CRACR2A: variants seen among roughly 807,000 people sequenced by gnomAD.
CRACR2A encodes EF-hand calcium-binding domain-containing protein 4B.
A neutral mutation model predicts 90.5 loss-of-function variants in CRACR2A; 79 were observed. That is an observed-to-expected ratio of 0.87 (90% CI 0.73 to 1.05). The LOEUF (loss-of-function observed/expected upper bound fraction) is 1.05. CRACR2A is among the 50% of genes least tolerant of loss of function. CRACR2A has a pLI of 0.00. For synonymous variants in CRACR2A, 338 were observed against 356.7 expected (o/e 0.95, Z 0.59); for missense variants, 823 against 897.2 (o/e 0.92, Z 1.06).
At chr12:3,685,383 G>C (rs1314650782) in intron 4 of CRACR2A, among the ~76,000 whole-genome samples, 3 of 152,114 alleles carry the variant, frequency 2.0e-5, no homozygotes, top group East Asian at 1.9e-4. Context: ...CCACTTCTGG[G>C]TATACACACC....
intron 2 of CRACR2A, among the ~76,000 whole-genome samples, chr12:3,715,265 T>G (rs530803663): frequency 8.5e-5 from 13 of 152,370 alleles, no homozygotes; most frequent in African/African-American, 1.7e-4. Context: ...AAGAGTATTC[T>G]GTGAGTGGCT....
chr12:3,728,929 G>A (rs926581855), intron 2 of CRACR2A: 2 of 152,126 alleles, frequency 1.3e-5, no homozygotes, highest in East Asian at 1.9e-4. Flanking sequence ...GTAAAATGAC[G>A]AGGACCCAAG....
chr12:3,745,388 C>T (rs891057312), intron 1 of CRACR2A, among the ~76,000 whole-genome samples: 1 of 150,858 alleles, frequency 6.6e-6, no homozygotes, highest in Non-Finnish European at 1.5e-5. Flanking sequence ...ACCGTGTCCT[C>T]CTCTGGGGAT....
chr12:3,651,389 A>T (rs2137443235), intron 10 of CRACR2A, among the ~76,000 whole-genome samples: 1 of 152,366 alleles, frequency 6.6e-6, no homozygotes, highest in South Asian at 2.1e-4. Flanking sequence ...ATGACTGCAG[A>T]TCGGGGCTAT....
At chr12:3,659,513 G>A in intron 8 of CRACR2A, 51 bp downstream of exon 8, 5 of 1,527,004 alleles carry the variant, frequency 3.3e-6, no homozygotes, top group Non-Finnish European at 3.6e-6. Flanking sequence ...GGGAGACAGA[G>A]CAGATATGTC....
Position 3,644,597 on chromosome 12 carries a change from G to A in CRACR2A, c.1162C>T (p.Gln388Ter), listed in dbSNP as rs552296874. 1 of 1,551,452 alleles carries A rather than the reference G, an allele frequency of 6.4e-7. No individual in the cohort carries two copies. The highest frequency in any genetic ancestry group is 1.2e-5 in the South Asian group (1 of 84,046). The change falls in exon 12 of 20, where the codon CAG becomes TAG. Residue 388 changes from glutamine (Q) to a stop codon, truncating the protein, a stop_gained and splice_region_variant. Coordinates refer to ENST00000440314, the MANE Select transcript of CRACR2A (RefSeq NM_001144958.2). LOFTEE classifies it high-confidence loss of function. ...HLRDERDICF[Q>*]KNKAAKANTA... is the part of the protein sequence containing the mutation. The stretch of plus-strand genomic sequence containing the variant: ...GTAAGGGAGAACTGGCCAATTACCT[G>A]AAAACATATGTCCCGTTCATCCCGA...
intron 2 of CRACR2A, chr12:3,725,765 A>G (rs989696754): frequency 3.9e-5 from 6 of 152,172 alleles, no homozygotes; most frequent in Admixed American, 3.3e-4. Context: ...TTAAATAAGT[A>G]TTTTCTTTTC....
chr12:3,644,282 T>C (rs1378295610), intron 12 of CRACR2A, among the ~76,000 whole-genome samples: 1 of 151,990 alleles, frequency 6.6e-6, no homozygotes, highest in Non-Finnish European at 1.5e-5. Context: ...GGTTTAGAAG[T>C]GATAATGACA....
chr12:3,741,788 T>C (rs1035909949), intron 1 of CRACR2A, among the ~76,000 whole-genome samples: 2 of 152,194 alleles, frequency 1.3e-5, no homozygotes, highest in African/African-American at 4.8e-5. Flanking sequence ...GCATTCAGAA[T>C]GGGACAGGGC....
intron 15 of CRACR2A, 119 bp from the exon 16 acceptor site, chr12:3,627,825 T>C (rs935801306): frequency 3.8e-4 from 402 of 1,057,200 alleles, no homozygotes; most frequent in Non-Finnish European, 5.1e-4. Context: ...CAACCCTCCA[T>C]GTGCAGCTCG....
intron 17 of CRACR2A, 67 bp from the exon 18 acceptor site, chr12:3,619,439 A>C: frequency 7.7e-7 from 1 of 1,303,282 alleles, no homozygotes; most frequent in Non-Finnish European, 1.1e-6. Context: ...CAGGCTAACA[A>C]TGCCGGCTGG....
At chr12:3,637,840 C>A (rs1437735802) in intron 14 of CRACR2A, among the ~76,000 whole-genome samples, 1 of 152,212 alleles carries the variant, frequency 6.6e-6, no homozygotes, top group Admixed American at 6.5e-5. Context: ...AGAAGTAGAA[C>A]TGCTTTGCTA....
chr12:3,681,482 G>A (rs1330077286), intron 4 of CRACR2A, among the ~76,000 whole-genome samples: 6 of 152,314 alleles, frequency 3.9e-5, no homozygotes, highest in Non-Finnish European at 5.9e-5. Flanking sequence ...CCTTCTGCCC[G>A]ATGTGCAATG....
chr12:3,648,734 G>T, intron 10 of CRACR2A, 121 bp from the exon 11 acceptor site: 2 of 1,388,766 alleles, frequency 1.4e-6, no homozygotes, highest in Non-Finnish European at 1.9e-6. Context: ...GAGGAACGTG[G>T]CCTCCTCCTG....
In CRACR2A at chr12:3,627,529, C is replaced by T. The variant is rs1319295476; in HGVS notation, c.1839G>A (p.Gln613=). 6.4e-7 allele frequency: 1 copy of T among 1,551,680 alleles called. No individual in the cohort carries two copies. The highest frequency in any genetic ancestry group is 1.7e-4 in the Middle Eastern group (1 of 5,994). Residue 613 remains glutamine, a synonymous_variant, in exon 17 of 20, where the codon CAG becomes CAA. Coordinates refer to ENST00000440314, the MANE Select transcript of CRACR2A (RefSeq NM_001144958.2). ...TGACACCATCTGCCTTTCTGAAGAA[C>T]TGCTGGGTGATGCACCGGTACCTGC... ...GQERYRCITQ[Q]FFRKADGVIV...
chr12:3,649,777 A>G (rs1003441284), intron 10 of CRACR2A, among the ~76,000 whole-genome samples: 2 of 151,538 alleles, frequency 1.3e-5, no homozygotes, highest in African/African-American at 4.9e-5. Context: ...GAAAAGAGAG[A>G]GAGTAAAAGA....
chr12:3,631,092 G>T (rs530948096), intron 15 of CRACR2A, among the ~76,000 whole-genome samples: 2 of 152,312 alleles, frequency 1.3e-5, no homozygotes, highest in African/African-American at 4.8e-5. Flanking sequence ...CAGGTGGCTG[G>T]TGTGACATCT....
At chr12:3,627,185 G>T (rs1031480207) in intron 17 of CRACR2A, among the ~76,000 whole-genome samples, 7 of 152,162 alleles carry the variant, frequency 4.6e-5, no homozygotes, top group Non-Finnish European at 7.4e-5. Context: ...GCATAATCTG[G>T]ATTTTCAGTG....
intron 17 of CRACR2A, among the ~76,000 whole-genome samples, chr12:3,621,457 G>T (rs936851640): frequency 5.4e-5 from 8 of 148,474 alleles, no homozygotes; most frequent in Non-Finnish European, 1.0e-4. Flanking sequence ...TTCAAGACCA[G>T]CCTGGCCAAG....
Sources: gnomAD v4.1 joint callset for allele counts (sites outside exome capture counted in the v4.1 genomes callset) on GRCh38, gnomAD v4.1.1 for gene constraint, MANE v1.5 for transcripts, NCBI Gene and HGNC (gene_info 2026-07-23, HGNC 2026-07-21) for gene names.